The following SDK1 variants were observed in gnomAD, a reference collection of about 807,000 sequenced individuals.
The protein encoded by SDK1 is sidekick cell adhesion molecule 1, also known as protein sidekick-1.
A neutral mutation model predicts 245.5 loss-of-function variants in SDK1; 157 were observed. The observed-to-expected ratio is 0.64, with a 90% CI of 0.56 to 0.73. The LOEUF (loss-of-function observed/expected upper bound fraction) is 0.73, where lower values mean the gene tolerates loss of function less well. SDK1 is among the 30% of genes least tolerant of loss of function. SDK1 has a pLI of 0.00. For missense variants in SDK1, 3,583 were observed against 3,002.3 expected (o/e 1.19, Z -4.52); for synonymous variants, 1,647 against 1,278.5 (o/e 1.29, Z -6.15).
At chr7:3,957,724 G>A (rs938410932) in intron 7 of SDK1, among the ~76,000 whole-genome samples, 15 of 152,166 alleles carry the variant, frequency 9.9e-5, no homozygotes, top group African/African-American at 3.6e-4. Context: ...TTGAGGAAAC[G>A]TGATCAAATG....
Position 4,015,816 on chromosome 7 carries a change from C to G in SDK1, c.2421-1355C>G, listed in dbSNP as rs139820901. ...CAGAAGGAGGCCCGGTACCTTCTTG[C>G]TACTCAAGGGCCATCTGCTTATCAT... On this transcript the variant is annotated intron_variant, in intron 16 of 44. Transcript: ENST00000404826. Among the ~76,000 whole-genome samples the G allele has an allele frequency of 4.2e-3, 639 of 152,326 alleles. 5 individuals carry two copies. The highest frequency in any genetic ancestry group is 0.015 in the African/African-American group (612 of 41,578).
chr7:4,090,857 C>T (rs1297736175), intron 22 of SDK1, among the ~76,000 whole-genome samples: 2 of 151,810 alleles, frequency 1.3e-5, no homozygotes, highest in Non-Finnish European at 2.9e-5. Flanking sequence ...ACACTATCAC[C>T]TCCAAATACA....
intron 1 of SDK1, among the ~76,000 whole-genome samples, chr7:3,536,145 C>T (rs1778879156): frequency 6.6e-6 from 1 of 151,948 alleles, no homozygotes; most frequent in South Asian, 2.1e-4. Context: ...CAAGCTCCGC[C>T]TCCTGGGTCC....
chr7:3,525,359 C>T lies in SDK1; in HGVS notation c.299-93721C>T, dbSNP rs137991946. Among the ~76,000 whole-genome samples, 732 of 152,172 alleles carry T rather than the reference C, an allele frequency of 4.8e-3. 10 individuals are homozygous for T. The highest frequency in any genetic ancestry group is 0.017 in the African/African-American group (688 of 41,534). ...GCAGACACAGATGGGGTAGTTTTCTCACTTGCACCTACGGAAAATCCTCCT... is the reference window on the plus strand; with the variant it reads ...GCAGACACAGATGGGGTAGTTTTCTTACTTGCACCTACGGAAAATCCTCCT... On this transcript the variant is annotated intron_variant, in intron 1 of 44. Transcript: ENST00000404826.
At chr7:3,841,592 A>C (rs1435480296) in intron 5 of SDK1, among the ~76,000 whole-genome samples, 1 of 148,324 alleles carries the variant, frequency 6.7e-6, no homozygotes, top group East Asian at 2.0e-4. Flanking sequence ...TTTGAGACGG[A>C]GTTTTGCTCT....
intron 1 of SDK1, among the ~76,000 whole-genome samples, chr7:3,499,449 C>G (rs891400204): frequency 2.0e-5 from 3 of 152,074 alleles, no homozygotes; most frequent in African/African-American, 7.2e-5. Context: ...AAGTTGAGCT[C>G]CAAACTACCC....
chr7:4,195,363 T>G (rs1459375476), intron 35 of SDK1, among the ~76,000 whole-genome samples: 1 of 151,704 alleles, frequency 6.6e-6, no homozygotes, highest in Non-Finnish European at 1.5e-5. Flanking sequence ...TTGCCTGGTT[T>G]CCAGAACACT....
chr7:3,894,572 C>T (rs981334461), intron 5 of SDK1, among the ~76,000 whole-genome samples: 2 of 152,152 alleles, frequency 1.3e-5, no homozygotes, highest in Non-Finnish European at 2.9e-5. Context: ...AGAGATGCTC[C>T]GGGGTCTCGC....
intron 14 of SDK1, among the ~76,000 whole-genome samples, chr7:3,992,545 C>T (rs560870685): frequency 2.6e-5 from 4 of 152,276 alleles, no homozygotes; most frequent in African/African-American, 7.2e-5. Context: ...GATGGCTTGA[C>T]AGTGGGGACC....
intron 40 of SDK1, among the ~76,000 whole-genome samples, chr7:4,230,083 G>GGAA (rs758602367): frequency 7.3e-6 from 1 of 137,348 alleles, no homozygotes; most frequent in African/African-American, 2.7e-5. Flanking sequence ...AAGGAAGGAA[G>GGAA]GGTGGGCAGG....
intron 17 of SDK1, among the ~76,000 whole-genome samples, chr7:4,032,377 A>G (rs1360038109): frequency 1.3e-5 from 2 of 152,188 alleles, no homozygotes; most frequent in African/African-American, 4.8e-5. Flanking sequence ...TCAAGCTCTC[A>G]AATCTGCATT....
In SDK1 at chr7:4,026,482, C is replaced by G. The variant is rs555812899; in HGVS notation, c.2602+9130C>G. ...CACGAGGGCCCGGTGTGCAGACAGC[C>G]TGCCAGGGCCTGCGGGCTCTCCCCA... On this transcript the variant is annotated intron_variant, in intron 17 of 44. Coordinates refer to ENST00000404826, the MANE Select transcript of SDK1 (RefSeq NM_152744.4). The surrounding 1 kb of genome is among the most constrained non-coding windows in gnomAD (Gnocchi z 4.1). 1.3e-5 allele frequency among the ~76,000 whole-genome samples: 2 copies of G among 152,226 alleles called. No individual in the cohort carries two copies. The highest frequency in any genetic ancestry group is 1.5e-5 in the Non-Finnish European group (1 of 68,044).
chr7:3,435,553 C>T (rs957342009), intron 1 of SDK1, among the ~76,000 whole-genome samples: 20 of 151,424 alleles, frequency 1.3e-4, no homozygotes, highest in African/African-American at 3.4e-4. Context: ...TTAGTAGAGA[C>T]GGGGTTTCAC....
At chr7:4,124,554 G>A (rs115183781) in intron 25 of SDK1, among the ~76,000 whole-genome samples, 2,043 of 152,262 alleles carry the variant, frequency 0.013, 44 homozygotes, top group South Asian at 0.079. Context: ...GCATCTTAAC[G>A]AGTTACATCT....
At chr7:3,878,579 C>G (rs1319102031) in intron 5 of SDK1, among the ~76,000 whole-genome samples, 1 of 152,168 alleles carries the variant, frequency 6.6e-6, no homozygotes, top group Non-Finnish European at 1.5e-5. Flanking sequence ...AAACGAAGTT[C>G]TCTTGTCATG....
intron 1 of SDK1, among the ~76,000 whole-genome samples, chr7:3,334,463 C>T (rs1310967378): frequency 6.6e-6 from 1 of 151,940 alleles, no homozygotes; most frequent in Non-Finnish European, 1.5e-5. Context: ...TGTCATAGCC[C>T]CGTAGAGAGT....
At chr7:4,009,459 A>G (rs6462530) in intron 14 of SDK1, among the ~76,000 whole-genome samples, 68,280 of 152,088 alleles carry the variant, frequency 0.45, 17,493 homozygotes, top group African/African-American at 0.72. Flanking sequence ...CTCCCAGAGT[A>G]AAAAGGGAAG....
intron 14 of SDK1, among the ~76,000 whole-genome samples, chr7:4,009,156 T>C (rs1211581331): frequency 6.6e-6 from 1 of 152,194 alleles, no homozygotes; most frequent in Non-Finnish European, 1.5e-5. Flanking sequence ...TCCACTGTTT[T>C]CACGGAAGTT....
intron 40 of SDK1, chr7:4,227,436 T>C (rs902827662): frequency 4.2e-6 from 2 of 471,010 alleles, no homozygotes; most frequent in African/African-American, 4.0e-5. Flanking sequence ...AACTGTCTTT[T>C]TTTTAAATCA....
Sources: gnomAD v4.1 joint callset for allele counts (sites outside exome capture counted in the v4.1 genomes callset) on GRCh38, gnomAD v4.1.1 for gene constraint, Gnocchi (gnomAD v3.1) non-coding constraint, MANE v1.5 for transcripts, NCBI Gene and HGNC (gene_info 2026-07-23, HGNC 2026-07-21) for gene names.